The following UQCRC2 variants were observed in gnomAD, a reference collection of about 807,000 sequenced individuals.
UQCRC2 encodes cytochrome b-c1 complex subunit 2, mitochondrial.
Under a neutral mutation model 55.6 loss-of-function variants are expected in UQCRC2, and 49 were observed. The ratio of observed to expected loss-of-function variants is 0.88; its 90% CI spans 0.70 to 1.12. The LOEUF (loss-of-function observed/expected upper bound fraction) is 1.12. Among genes scored for constraint, UQCRC2 ranks in the 50% most tolerant of loss-of-function variants. The pLI, the probability that UQCRC2 is intolerant of heterozygous loss-of-function variation, is 0.00. For synonymous variants in UQCRC2, 193 were observed against 192.0 expected, an observed-to-expected ratio of 1.01 and a Z score of -0.04; for missense variants, 506 against 547.8, an observed-to-expected ratio of 0.92 and a Z score of 0.76.
At position 21,980,638 on chromosome 16, in the gene UQCRC2, T is replaced by C. The variant is rs369592066; in HGVS notation, c.1216T>C (p.Tyr406His). 27 of 1,614,120 alleles carry C rather than the reference T, an allele frequency of 1.7e-5. No homozygotes were observed. Among genetic ancestry groups the C allele is most frequent in the Non-Finnish European group, 2.3e-5 (27 of 1,180,052 alleles). Residue 406 changes from tyrosine (Y) to histidine (H), a missense_variant, in exon 13 of 14, where the codon TAC becomes CAC. Physicochemically the swap from Tyr to His is moderately conservative, Grantham distance 83 (BLOSUM62 2). Transcript: ENST00000268379. ...GTCCCAGGCTCTAGTTGCTGGTTCT[T>C]ACATGCCACCATCCACAGTCCTTCA... is the stretch of plus-strand genomic sequence containing the variant. ...VGSQALVAGS[Y>H]MPPSTVLQQI...
chr16:21,982,442 TCC>T (rs1250811574), intron 13 of UQCRC2, among the ~76,000 whole-genome samples: 2 of 152,210 alleles, frequency 1.3e-5, no homozygotes, highest in African/African-American at 4.8e-5. Context: ...GGAAAGTATA[TCC>T]CTGCCTGAAG....
intron 6 of UQCRC2, among the ~76,000 whole-genome samples, chr16:21,964,948 G>A (rs183194923): frequency 6.6e-6 from 1 of 152,342 alleles, no homozygotes; most frequent in Admixed American, 6.5e-5. Flanking sequence ...AGAGGAGTAA[G>A]TCCCAGTGGA....
At chr16:21,956,013 TG>T (rs1382090871) in intron 1 of UQCRC2, among the ~76,000 whole-genome samples, 1 of 152,082 alleles carries the variant, frequency 6.6e-6, no homozygotes, top group Admixed American at 6.5e-5. Context: ...TTATTAGAGA[TG>T]GGGTTTCTCC....
rs757672368 is a variant in UQCRC2 at position 21,980,684 on chromosome 16, ATGC to A, written c.1265_1267del (p.Ala422del). On this transcript the variant is annotated inframe_deletion, in exon 13 of 14. Coordinates refer to ENST00000268379, the MANE Select transcript of UQCRC2 (RefSeq NM_003366.4). ...CTTCAGCAGATTGATTCAGTGGCTA[ATGC>A]TGATATCATAAATGTAAGTAAATGA... 6.2e-7 allele frequency: 1 copy of A among 1,613,668 alleles called. No individual in the cohort carries two copies. The highest frequency in any genetic ancestry group is 8.5e-7 in the Non-Finnish European group (1 of 1,179,904).
chr16:21,971,952 C>A lies in UQCRC2; in HGVS notation c.796C>A (p.Leu266Ile). 6.2e-7 allele frequency: 1 copy of A among 1,614,158 alleles called. No individual in the cohort carries two copies. Among genetic ancestry groups the A allele is most frequent in the Non-Finnish European group, 8.5e-7 (1 of 1,180,040 alleles). Reference sequence around the variant, plus strand: ...AATCCGAGAACAGAATGGAGACAGTCTTGTCCATGCTGCTTTTGTAGCAGA... The same window carrying A: ...AATCCGAGAACAGAATGGAGACAGTATTGTCCATGCTGCTTTTGTAGCAGA... Reference protein sequence around the residue: ...GEIREQNGDSLVHAAFVAESA... With the variant: ...GEIREQNGDSIVHAAFVAESA... Residue 266 changes from leucine to isoleucine, a missense_variant, in exon 10 of 14, where the codon CTT (leucine) becomes ATT (isoleucine). Transcript: ENST00000268379.
intron 13 of UQCRC2, 85 bp downstream of exon 13, chr16:21,980,785 G>A (rs1898705117): frequency 1.3e-6 from 2 of 1,490,068 alleles, no homozygotes; most frequent in Admixed American, 1.9e-5. Flanking sequence ...AGCGTCCTTG[G>A]GCAGTGTATT....
intron 1 of UQCRC2, among the ~76,000 whole-genome samples, chr16:21,954,422 T>C (rs1285725966): frequency 1.3e-5 from 2 of 152,196 alleles, no homozygotes; most frequent in Non-Finnish European, 2.9e-5. Context: ...GTGGGCTATA[T>C]CGATTTAGGC....
At chr16:21,963,350 G>A (rs1011785096) in intron 6 of UQCRC2, 3 of 152,296 alleles carry the variant, frequency 2.0e-5, no homozygotes, top group African/African-American at 4.8e-5. Flanking sequence ...TTGTTATTTA[G>A]ATTTATTATT....
In UQCRC2 at chr16:21,983,336, CA is replaced by C; in HGVS notation, c.*166del. Reference sequence around the variant, plus strand: ...CCCAGCTGACCTAAAGTCAATAAAACATTCTGTTTAAGTGTTTTTCTTACGT... The same window carrying C: ...CCCAGCTGACCTAAAGTCAATAAAACTTCTGTTTAAGTGTTTTTCTTACGT... On this transcript the variant is annotated 3_prime_UTR_variant, in exon 14 of 14. Coordinates refer to ENST00000268379, the MANE Select transcript of UQCRC2 (RefSeq NM_003366.4). 1.7e-6 allele frequency: 1 copy of C among 579,734 alleles called. No homozygotes were observed. Among genetic ancestry groups the C allele is most frequent in the Non-Finnish European group, 3.0e-6 (1 of 337,988 alleles). The allele number at this position is 579,734 out of a possible 1,614,324, so 35.9% of individuals were successfully genotyped here.
intron 4 of UQCRC2, chr16:21,962,122 G>A: frequency 4.7e-6 from 1 of 214,438 alleles, no homozygotes; most frequent in Non-Finnish European, 9.4e-6. Context: ...TCTCTTTTCA[G>A]TCTCTACAAA....
At chr16:21,976,547 G>T in intron 12 of UQCRC2, 1 of 250,188 alleles carries the variant, frequency 4.0e-6, no homozygotes, top group Non-Finnish European at 7.8e-6. Context: ...GAGAATAATT[G>T]TTAACATTTT....
chr16:21,954,497 G>A (rs1224503338), intron 1 of UQCRC2, among the ~76,000 whole-genome samples: 1 of 152,116 alleles, frequency 6.6e-6, no homozygotes, highest in East Asian at 1.9e-4. Context: ...AGGGAAGCAC[G>A]GTTAGATTGG....
At chr16:21,955,823 C>G (rs1898077265) in intron 1 of UQCRC2, among the ~76,000 whole-genome samples, 2 of 149,688 alleles carry the variant, frequency 1.3e-5, no homozygotes, top group African/African-American at 4.9e-5. Flanking sequence ...TATACTTTGT[C>G]TTTTTCTTTT....
Position 21,958,607 on chromosome 16 carries a change from A to G in UQCRC2, c.332+8A>G, listed in dbSNP as rs1372842003. ...AGTTGGTGGCAAATTAAGGTTTGTT[A>G]AATAAGTAATAGAAAATAGTGAAAA... On this transcript the variant is annotated splice_region_variant and intron_variant, in intron 4 of 13. Coordinates refer to ENST00000268379, the MANE Select transcript of UQCRC2 (RefSeq NM_003366.4). 1 of 1,609,644 alleles carries G rather than the reference A, an allele frequency of 6.2e-7. No individual in the cohort carries two copies. Among genetic ancestry groups the G allele is most frequent in the South Asian group, 1.1e-5 (1 of 90,146 alleles).
At chr16:21,979,730 C>G (rs371340600) in intron 12 of UQCRC2, among the ~76,000 whole-genome samples, 8 of 152,102 alleles carry the variant, frequency 5.3e-5, no homozygotes, top group African/African-American at 1.4e-4. Flanking sequence ...AGATACTAAA[C>G]ACTGTAAACA....
intron 6 of UQCRC2, among the ~76,000 whole-genome samples, chr16:21,964,870 C>G (rs1898288570): frequency 6.6e-6 from 1 of 152,154 alleles, no homozygotes; most frequent in African/African-American, 2.4e-5. Flanking sequence ...AGGTAATGAG[C>G]AACTGAAGGA....
intron 3 of UQCRC2, among the ~76,000 whole-genome samples, 166 bp downstream of exon 3, chr16:21,957,732 C>G (rs1898112814): frequency 6.6e-6 from 1 of 152,174 alleles, no homozygotes; most frequent in Non-Finnish European, 1.5e-5. Context: ...TGTTACAGTT[C>G]TAGAGGCTAG....
intron 4 of UQCRC2, 84 bp from the exon 5 acceptor site, chr16:21,962,376 A>G: frequency 6.6e-7 from 1 of 1,513,982 alleles, no homozygotes; most frequent in Non-Finnish European, 9.1e-7. Context: ...TTTTCTTTCC[A>G]AAGGAATTGG....
intron 1 of UQCRC2, among the ~76,000 whole-genome samples, chr16:21,955,581 AT>A (rs1898074418): frequency 6.6e-6 from 1 of 152,240 alleles, no homozygotes; most frequent in Non-Finnish European, 1.5e-5. Flanking sequence ...AAATGAATGC[AT>A]TTTGGGTCCA....
Sources: allele counts gnomAD v4.1 joint callset (sites outside exome capture counted in the v4.1 genomes callset), GRCh38; gene constraint gnomAD v4.1.1; transcripts MANE v1.5; gene names NCBI Gene and HGNC (gene_info 2026-07-23, HGNC 2026-07-21).